NTF3: variants seen among roughly 807,000 people sequenced by gnomAD.
The protein encoded by NTF3 is neurotrophin 3, also known as neurotrophin-3.
Under a neutral mutation model 26.3 loss-of-function variants are expected in NTF3, and 8 were observed. That is an observed-to-expected ratio of 0.30 (90% CI 0.18 to 0.55). The LOEUF (loss-of-function observed/expected upper bound fraction) is 0.55, where lower values mean the gene tolerates loss of function less well. NTF3 is among the 20% of genes least tolerant of loss of function. The pLI is 0.93. For missense variants in NTF3, 276 were observed against 352.9 expected (o/e 0.78, Z 1.75); for synonymous variants, 154 against 145.5 (o/e 1.06, Z -0.42).
intron 1 of NTF3, among the ~76,000 whole-genome samples, chr12:5,440,808 C>G (rs977768482): frequency 1.3e-5 from 2 of 152,214 alleles, no homozygotes; most frequent in Non-Finnish European, 2.9e-5. Context: ...TTCCATGACT[C>G]CGCTGCTCCC....
At chr12:5,474,219 C>G (rs1940696926) in intron 1 of NTF3, among the ~76,000 whole-genome samples, 1 of 152,134 alleles carries the variant, frequency 6.6e-6, no homozygotes, top group African/African-American at 2.4e-5. Flanking sequence ...GAGCCAGGCA[C>G]CATTGCAGGT....
intron 1 of NTF3, among the ~76,000 whole-genome samples, chr12:5,484,097 T>A (rs182658139): frequency 1.3e-5 from 2 of 152,184 alleles, no homozygotes; most frequent in Non-Finnish European, 2.9e-5. Flanking sequence ...CTTCCCTCCA[T>A]GTGTCCTTAA....
chr12:5,448,716 G>T (rs760481123), intron 1 of NTF3, among the ~76,000 whole-genome samples: 57 of 152,300 alleles, frequency 3.7e-4, no homozygotes, highest in Non-Finnish European at 7.6e-4. Flanking sequence ...GGAAGCTATC[G>T]CATTGTTCTT....
chr12:5,441,692 C>G (rs1376376728), intron 1 of NTF3, among the ~76,000 whole-genome samples: 1 of 152,198 alleles, frequency 6.6e-6, no homozygotes, highest in Non-Finnish European at 1.5e-5. Flanking sequence ...GAATGCGTGA[C>G]CAGCCATTGT....
intron 1 of NTF3, among the ~76,000 whole-genome samples, chr12:5,442,473 C>G (rs1940251172): frequency 6.6e-6 from 1 of 152,098 alleles, no homozygotes; most frequent in Admixed American, 6.5e-5. Flanking sequence ...TCAGAAGTAT[C>G]CCTGCTCGTG....
intron 1 of NTF3, among the ~76,000 whole-genome samples, chr12:5,486,366 G>A (rs543865797): frequency 6.6e-6 from 1 of 152,294 alleles, no homozygotes; most frequent in East Asian, 1.9e-4. Context: ...ATTTCCCTTA[G>A]CCTTCAACCC....
chr12:5,460,407 C>T (rs61907699), intron 1 of NTF3, among the ~76,000 whole-genome samples: 20,208 of 152,194 alleles, frequency 0.13, 1,667 homozygotes, highest in East Asian at 0.29. Flanking sequence ...CCTAGAGTTT[C>T]GCCTTTTTCA....
At chr12:5,476,302 C>T (rs1940723228) in intron 1 of NTF3, among the ~76,000 whole-genome samples, 1 of 152,140 alleles carries the variant, frequency 6.6e-6, no homozygotes, top group Non-Finnish European at 1.5e-5. Flanking sequence ...GAGCTCCTAC[C>T]TGAAGGACTC....
At chr12:5,443,523 C>T (rs544013726) in intron 1 of NTF3, among the ~76,000 whole-genome samples, 1 of 152,256 alleles carries the variant, frequency 6.6e-6, no homozygotes, top group African/African-American at 2.4e-5. Flanking sequence ...CAGAGCTTTC[C>T]TGGACTTTCC....
chr12:5,464,893 C>T (rs1940570458), intron 1 of NTF3, among the ~76,000 whole-genome samples: 1 of 152,182 alleles, frequency 6.6e-6, no homozygotes, highest in South Asian at 2.1e-4. Flanking sequence ...ATCTTCACTT[C>T]TCAGCACCTG....
chr12:5,475,911 AGAAAGAG>A (rs1378895000), intron 1 of NTF3, among the ~76,000 whole-genome samples: 2 of 139,186 alleles, frequency 1.4e-5, no homozygotes, highest in Non-Finnish European at 3.3e-5. Context: ...AAAGAAAGAA[AGAAAGAG>A]AGAAAGAGAG....
At chr12:5,440,939 T>A (rs1940228809) in intron 1 of NTF3, among the ~76,000 whole-genome samples, 1 of 152,210 alleles carries the variant, frequency 6.6e-6, no homozygotes, top group Non-Finnish European at 1.5e-5. Flanking sequence ...GCCAGATAAG[T>A]CATTGAACAT....
intron 1 of NTF3, among the ~76,000 whole-genome samples, chr12:5,481,796 C>G (rs1335663614): frequency 1.4e-5 from 2 of 146,004 alleles, no homozygotes; most frequent in Non-Finnish European, 3.0e-5. Context: ...GACATATACA[C>G]CACACTCATA....
chr12:5,467,178 G>A (rs987160304), intron 1 of NTF3, among the ~76,000 whole-genome samples: 1 of 129,772 alleles, frequency 7.7e-6, no homozygotes, highest in South Asian at 2.6e-4. Flanking sequence ...GCAATGAGCC[G>A]AGATCATGCC....
rs71064158 is a variant in NTF3 at position 5,475,854 on chromosome 12, A to AAGAG, written c.19-18320_19-18317dup. On this transcript the variant is annotated intron_variant, in intron 1 of 1. Transcript: ENST00000423158. ...CTGCCTCAAAAAAGAAAAAAGAAGA[A>AAGAG]AGAGAGAGAGAGAGAGAGAGAGAAG... Among the ~76,000 whole-genome samples the AAGAG allele has an allele frequency of 4.7e-3, 689 of 146,776 alleles. 2 individuals carry two copies. The highest frequency in any genetic ancestry group is 0.015 in the South Asian group (67 of 4,544).
intron 1 of NTF3, among the ~76,000 whole-genome samples, chr12:5,464,220 C>T (rs1940559620): frequency 1.3e-5 from 2 of 152,146 alleles, no homozygotes; most frequent in African/African-American, 2.4e-5. Flanking sequence ...TTGACTGGTT[C>T]GTGTGCTAGA....
At chr12:5,457,950 A>AAT (rs748164095) in intron 1 of NTF3, among the ~76,000 whole-genome samples, 34 of 152,210 alleles carry the variant, frequency 2.2e-4, no homozygotes, top group South Asian at 4.2e-4. Context: ...CCTCGTCACC[A>AAT]CTGCCGCTAC....
At chr12:5,490,019 G>T (rs534201900) in intron 1 of NTF3, among the ~76,000 whole-genome samples, 1 of 152,172 alleles carries the variant, frequency 6.6e-6, no homozygotes, top group Non-Finnish European at 1.5e-5. Context: ...CATGCACGTC[G>T]GTCAGGATCT....
intron 1 of NTF3, among the ~76,000 whole-genome samples, chr12:5,443,461 A>T (rs1300742326): frequency 1.3e-5 from 2 of 152,152 alleles, no homozygotes; most frequent in African/African-American, 2.4e-5. Flanking sequence ...GGGTGCTGTT[A>T]AAATACAAAG....
Sources: allele counts gnomAD v4.1 joint callset (sites outside exome capture counted in the v4.1 genomes callset), GRCh38; gene constraint gnomAD v4.1.1; transcripts MANE v1.5; gene names NCBI Gene and HGNC (gene_info 2026-07-23, HGNC 2026-07-21).